AGBL4: variants seen among roughly 807,000 people sequenced by gnomAD.
AGBL4 encodes the protein AGBL carboxypeptidase 4, also known as cytosolic carboxypeptidase 6.
A neutral mutation model predicts 66.4 loss-of-function variants in AGBL4; 58 were observed. That is an observed-to-expected ratio of 0.87 (90% CI 0.71 to 1.09). The LOEUF (loss-of-function observed/expected upper bound fraction) is 1.09. AGBL4 is among the 50% of genes least tolerant of loss of function. The pLI, the probability that AGBL4 is intolerant of heterozygous loss-of-function variation, is 0.00. For synonymous variants in AGBL4, 234 were observed against 222.9 expected (o/e 1.05, Z -0.44); for missense variants, 579 against 631.0 (o/e 0.92, Z 0.88).
intron 6 of AGBL4, among the ~76,000 whole-genome samples, chr1:48,800,175 C>T (rs1047666871): frequency 2.6e-5 from 4 of 152,098 alleles, no homozygotes; most frequent in Non-Finnish European, 4.4e-5. Context: ...TTCAATCTCA[C>T]CATTTGTTAT....
chr1:49,893,107 C>A (rs181855840), intron 1 of AGBL4, among the ~76,000 whole-genome samples: 1 of 152,254 alleles, frequency 6.6e-6, no homozygotes, highest in East Asian at 1.9e-4. Context: ...GGAAAATCAA[C>A]AATCCTTAGA....
At chr1:48,904,819 C>T (rs147248337) in intron 5 of AGBL4, among the ~76,000 whole-genome samples, 5 of 152,266 alleles carry the variant, frequency 3.3e-5, no homozygotes, top group African/African-American at 9.6e-5. Flanking sequence ...CATGTAATTA[C>T]CAACATAGAA....
chr1:49,122,472 C>T (rs1442592068), intron 4 of AGBL4, among the ~76,000 whole-genome samples: 4 of 152,190 alleles, frequency 2.6e-5, no homozygotes, highest in African/African-American at 9.7e-5. Flanking sequence ...GGCCACATGA[C>T]ACTTTCTAAC....
At chr1:49,059,045 C>G (rs904660388) in intron 4 of AGBL4, among the ~76,000 whole-genome samples, 1 of 152,236 alleles carries the variant, frequency 6.6e-6, no homozygotes, top group Non-Finnish European at 1.5e-5. Flanking sequence ...TTCAAGTCTG[C>G]TGCAGAAATT....
Position 48,590,962 on chromosome 1 carries a change from A to C in AGBL4, c.975T>G (p.Ile325Met). The change falls in exon 10 of 14, where the codon ATT becomes ATG. Residue 325 changes from isoleucine (I) to methionine (M), a missense_variant. Physicochemically the swap from Ile to Met is conservative, Grantham distance 10. Transcript: ENST00000371839. ...TCATGGTGGAGTGGGCATGGATGTCAATATAAAACTCCAGGCTTGTTTTCT... is the reference window on the plus strand; with the variant it reads ...TCATGGTGGAGTGGGCATGGATGTCCATATAAAACTCCAGGCTTGTTTTCT... ...NDPKTSLEFY[I>M]DIHAHSTMMN... 6.2e-7 allele frequency: 1 copy of C among 1,610,230 alleles called. No homozygotes were observed. The highest frequency in any genetic ancestry group is 8.5e-7 in the Non-Finnish European group (1 of 1,178,498).
intron 1 of AGBL4, among the ~76,000 whole-genome samples, chr1:49,917,202 A>G (rs540492637): frequency 5.3e-5 from 8 of 152,186 alleles, no homozygotes; most frequent in Non-Finnish European, 8.8e-5. Context: ...ACCAGCTAAC[A>G]TCATCATGAC....
At chr1:49,133,676 T>C (rs1435583905) in intron 4 of AGBL4, among the ~76,000 whole-genome samples, 1 of 152,142 alleles carries the variant, frequency 6.6e-6, no homozygotes, top group Non-Finnish European at 1.5e-5. Flanking sequence ...AAGGAGCAGT[T>C]TGACAATATG....
At chr1:49,563,574 G>T (rs1470567076) in intron 3 of AGBL4, among the ~76,000 whole-genome samples, 1 of 151,864 alleles carries the variant, frequency 6.6e-6, no homozygotes, top group Admixed American at 6.6e-5. Context: ...AATCATGTGG[G>T]TTTTGTCTTT....
chr1:48,920,988 A>G (rs1654028505), intron 5 of AGBL4, among the ~76,000 whole-genome samples: 1 of 152,216 alleles, frequency 6.6e-6, no homozygotes, highest in Admixed American at 6.5e-5. Flanking sequence ...TTAAGGCTTA[A>G]TTCTATTGAT....
rs150596459 is a variant in AGBL4, at chr1:48,904,344, G to C, written c.595-37114C>G. 9.9e-5 allele frequency among the ~76,000 whole-genome samples: 15 copies of C among 152,274 alleles called. No homozygotes were observed. In the East Asian group the frequency reaches 2.7e-3, roughly 27 times the overall value. ...CTAATTAGTTAACTTATCTATGAAA[G>C]AAACAACTATGGTTGTGCTGAAACA... On this transcript the variant is annotated intron_variant, in intron 5 of 13. Coordinates refer to ENST00000371839, the MANE Select transcript of AGBL4 (RefSeq NM_032785.4).
intron 6 of AGBL4, among the ~76,000 whole-genome samples, chr1:48,692,913 G>A (rs1406995301): frequency 6.6e-6 from 1 of 152,160 alleles, no homozygotes; most frequent in East Asian, 1.9e-4. Context: ...TCTCTGCCAG[G>A]CACTGTTGTA....
chr1:48,563,943 C>T (rs1240539169), intron 11 of AGBL4, among the ~76,000 whole-genome samples: 4 of 152,276 alleles, frequency 2.6e-5, no homozygotes, highest in Non-Finnish European at 4.4e-5. Flanking sequence ...ATTTGTCTGT[C>T]GAAAGTCAAA....
At chr1:49,379,763 C>A (rs1034698647) in intron 3 of AGBL4, among the ~76,000 whole-genome samples, 1 of 152,038 alleles carries the variant, frequency 6.6e-6, no homozygotes, top group Non-Finnish European at 1.5e-5. Context: ...TTTTGATGTG[C>A]TGCTGGATTC....
In AGBL4 at chr1:48,761,923, G is replaced by A. The variant is rs116070723; in HGVS notation, c.635-98682C>T. Among the ~76,000 whole-genome samples the A allele has an allele frequency of 3.5e-3, 527 of 152,314 alleles. 7 individuals carry two copies. The highest frequency in any genetic ancestry group is 6.5e-3 in the Non-Finnish European group (440 of 68,032). On this transcript the variant is annotated intron_variant, in intron 6 of 13. Transcript: ENST00000371839. The stretch of plus-strand genomic sequence containing the variant: ...AGCTCAAGTGCCAATAGACATGAGA[G>A]AGCTTATAGCTGATAGGGATGTAAG...
chr1:49,558,534 T>C (rs577929991), intron 3 of AGBL4, among the ~76,000 whole-genome samples: 4 of 151,914 alleles, frequency 2.6e-5, no homozygotes, highest in Non-Finnish European at 5.9e-5. Flanking sequence ...AGAGATGGGG[T>C]TTCACCATGT....
intron 4 of AGBL4, among the ~76,000 whole-genome samples, chr1:49,161,398 C>A (rs1646539416): frequency 6.6e-6 from 1 of 152,158 alleles, no homozygotes; most frequent in Non-Finnish European, 1.5e-5. Flanking sequence ...TCCAACCAGT[C>A]CCAATGAGAT....
chr1:48,783,526 T>C (rs1033867123), intron 6 of AGBL4, among the ~76,000 whole-genome samples: 8 of 152,204 alleles, frequency 5.3e-5, no homozygotes, highest in Admixed American at 1.3e-4. Context: ...AATGTGGGCT[T>C]AGGAATCAAA....
At chr1:49,279,496 C>T (rs546685902) in intron 3 of AGBL4, among the ~76,000 whole-genome samples, 80 of 152,072 alleles carry the variant, frequency 5.3e-4, no homozygotes, top group East Asian at 1.2e-3. Flanking sequence ...TGGGAAAATG[C>T]CTGTCTTTGG....
intron 4 of AGBL4, among the ~76,000 whole-genome samples, chr1:49,222,805 T>C (rs1232519420): frequency 6.6e-6 from 1 of 152,230 alleles, no homozygotes; most frequent in Non-Finnish European, 1.5e-5. Context: ...AAAAGTACCA[T>C]TTAACAAAGT....
Sources: gnomAD v4.1 joint callset for allele counts (sites outside exome capture counted in the v4.1 genomes callset) on GRCh38, gnomAD v4.1.1 for gene constraint, MANE v1.5 for transcripts, NCBI Gene and HGNC (gene_info 2026-07-23, HGNC 2026-07-21) for gene names.